SHROOM3: variants seen among roughly 807,000 people sequenced by gnomAD.
The protein encoded by SHROOM3 is shroom family member 3, also known as protein Shroom3.
A neutral mutation model predicts 138.6 loss-of-function variants in SHROOM3; 47 were observed. The ratio of observed to expected loss-of-function variants is 0.34; its 90% confidence interval spans 0.27 to 0.43. The LOEUF is 0.43. Among genes scored for constraint, SHROOM3 ranks in the 20% least tolerant of loss-of-function variants. The pLI is 1.00. For synonymous variants in SHROOM3, 1,062 were observed against 1,063.3 expected (o/e 1.00, Z 0.02); for missense variants, 2,491 against 2,596.5 (o/e 0.96, Z 0.88).
chr4:76,505,449 G>A (rs1328393753), intron 1 of SHROOM3, among the ~76,000 whole-genome samples: 4 of 151,992 alleles, frequency 2.6e-5, no homozygotes, highest in African/African-American at 7.3e-5. Flanking sequence ...CCCTTCTCCA[G>A]GCATGGCTGT....
intron 8 of SHROOM3, among the ~76,000 whole-genome samples, chr4:76,757,644 A>G (rs1402781743): frequency 6.6e-6 from 1 of 152,204 alleles, no homozygotes; most frequent in African/African-American, 2.4e-5. Context: ...AAATCAGGAA[A>G]GGTCTGAGTA....
chr4:76,520,917 T>C (rs1732551139), intron 1 of SHROOM3, among the ~76,000 whole-genome samples: 1 of 152,214 alleles, frequency 6.6e-6, no homozygotes, highest in Non-Finnish European at 1.5e-5. Flanking sequence ...TTTGGGCAGC[T>C]AAAGCTAGGG....
chr4:76,684,684 C>G (rs1207203288), intron 2 of SHROOM3, among the ~76,000 whole-genome samples: 3 of 152,214 alleles, frequency 2.0e-5, no homozygotes, highest in Admixed American at 6.5e-5. Context: ...TGTGAAACAG[C>G]TGCCACACAA....
chr4:76,712,438 G>T lies in SHROOM3; in HGVS notation c.455+2151G>T, dbSNP rs1720255196. Among the ~76,000 whole-genome samples the T allele has an allele frequency of 2.6e-5, 4 of 152,294 alleles. No individual in the cohort carries two copies. In the South Asian group the frequency reaches 8.3e-4, roughly 32 times the overall value. ...TAGAATCACATAGACCTGGGTTTGA[G>T]CTAGAAACAATTAAAATATTTTATA... On this transcript the variant is annotated intron_variant, in intron 3 of 10. Coordinates refer to ENST00000296043, the MANE Select transcript of SHROOM3 (RefSeq NM_020859.4).
intron 1 of SHROOM3, among the ~76,000 whole-genome samples, chr4:76,486,910 T>G (rs907336119): frequency 8.3e-6 from 1 of 120,014 alleles, no homozygotes; most frequent in African/African-American, 2.7e-5. Flanking sequence ...GAAAGGCAAC[T>G]TTAAAAAAAA....
At chr4:76,688,706 A>G in intron 2 of SHROOM3, 1 of 985,464 alleles carries the variant, frequency 1.0e-6, no homozygotes, top group Non-Finnish European at 1.2e-6. Context: ...TCATAAATGC[A>G]AAACAAATGC....
chr4:76,520,342 T>TTGA lies in SHROOM3; in HGVS notation c.169-35253_169-35251dup, dbSNP rs374472749. 4.3e-3 allele frequency among the ~76,000 whole-genome samples: 659 copies of TTGA among 152,260 alleles called. 4 individuals are homozygous for TTGA. Among genetic ancestry groups the TTGA allele is most frequent in the Non-Finnish European group, 7.2e-3 (491 of 68,016 alleles). On this transcript the variant is annotated intron_variant, in intron 1 of 10. Transcript: ENST00000296043. ...TCCCTTGCTTTATTTTCACCAACTG[T>TTGA]TGATGATGATGATGATAACAACACT... is the stretch of plus-strand genomic sequence containing the variant.
intron 1 of SHROOM3, among the ~76,000 whole-genome samples, chr4:76,526,424 G>A (rs574999961): frequency 1.3e-5 from 2 of 152,120 alleles, no homozygotes; most frequent in African/African-American, 4.8e-5. Context: ...TCCCCTGTGC[G>A]CCAGCCAGTT....
chr4:76,549,910 C>T (rs78120439), intron 1 of SHROOM3, among the ~76,000 whole-genome samples: 10,557 of 152,166 alleles, frequency 0.069, 463 homozygotes, highest in Middle Eastern at 0.1. Flanking sequence ...TTCAAGTCCT[C>T]CCTTGGACCT....
At chr4:76,553,741 C>T (rs1733418478) in intron 1 of SHROOM3, among the ~76,000 whole-genome samples, 1 of 152,218 alleles carries the variant, frequency 6.6e-6, no homozygotes, top group Non-Finnish European at 1.5e-5. Context: ...TCCAAATCCA[C>T]CTGCCTCAGC....
At chr4:76,657,205 A>C (rs7442445) in intron 2 of SHROOM3, among the ~76,000 whole-genome samples, 52,346 of 126,944 alleles carry the variant, frequency 0.41, 10,009 homozygotes, top group East Asian at 0.73. Flanking sequence ...CTCTCTCTCT[A>C]TATATATATA....
intron 6 of SHROOM3, among the ~76,000 whole-genome samples, chr4:76,753,198 G>T (rs1721688735): frequency 6.6e-6 from 1 of 152,238 alleles, no homozygotes; most frequent in African/African-American, 2.4e-5. Context: ...CATGGGAAGG[G>T]AGGGGTTGCA....
intron 2 of SHROOM3, among the ~76,000 whole-genome samples, chr4:76,571,508 T>C (rs150133754): frequency 6.6e-6 from 1 of 152,310 alleles, no homozygotes; most frequent in Non-Finnish European, 1.5e-5. Context: ...TCTCACTCAT[T>C]TGACATTAGC....
At chr4:76,587,601 T>G (rs1734181246) in intron 2 of SHROOM3, among the ~76,000 whole-genome samples, 1 of 152,210 alleles carries the variant, frequency 6.6e-6, no homozygotes, top group African/African-American at 2.4e-5. Flanking sequence ...AGTTTTCCAT[T>G]TTTTTCAGCA....
In SHROOM3 at chr4:76,756,698, G is replaced by T. The variant is rs1177839791; in HGVS notation, c.4959G>T (p.Lys1653Asn). 1.9e-6 allele frequency: 3 copies of T among 1,614,010 alleles called. No individual in the cohort carries two copies. The African/African-American group carries it at 4.0e-5, about 22-fold the overall frequency. Residue 1653 changes from lysine to asparagine, a missense_variant, in exon 8 of 11, where the codon AAG becomes AAT. By Grantham distance (94) the Lys-to-Asn change is moderately conservative (BLOSUM62 0). Transcript: ENST00000296043. ...DPVSGTQGLE[K>N]KVSPDPQKSS... Reference sequence around the variant, plus strand: ...TCAGTGGAACTCAGGGTTTAGAAAAGAAAGTCAGTCCTGATCCTCAGAAGA... The same window carrying T: ...TCAGTGGAACTCAGGGTTTAGAAAATAAAGTCAGTCCTGATCCTCAGAAGA...
At chr4:76,617,086 T>C (rs1280962546) in intron 2 of SHROOM3, among the ~76,000 whole-genome samples, 1 of 152,210 alleles carries the variant, frequency 6.6e-6, no homozygotes, top group Non-Finnish European at 1.5e-5. Context: ...AGGCTAATGG[T>C]GCGGGTGAAG....
intron 7 of SHROOM3, 49 bp downstream of exon 7, chr4:76,755,241 T>C: frequency 6.3e-7 from 1 of 1,593,852 alleles, no homozygotes; most frequent in Non-Finnish European, 8.5e-7. Context: ...GAGAGTGTCA[T>C]GCCCCAGGTG....
At position 76,598,232 on chromosome 4, in the gene SHROOM3, T is replaced by A. The variant is rs534698307; in HGVS notation, c.323+42469T>A. ...TAGTAGAGACGGGGTTTCACCGTGT[T>A]AGCCAGGATGGTCTCGATCTCCTGA... On this transcript the variant is annotated intron_variant, in intron 2 of 10. Coordinates refer to ENST00000296043, the MANE Select transcript of SHROOM3 (RefSeq NM_020859.4). Among the ~76,000 whole-genome samples, 14 of 152,192 alleles carry A rather than the reference T, an allele frequency of 9.2e-5. No homozygotes were observed. The South Asian group carries it at 2.9e-3, about 32-fold the overall frequency.
chr4:76,493,757 G>A (rs1211048049), intron 1 of SHROOM3, among the ~76,000 whole-genome samples: 1 of 152,152 alleles, frequency 6.6e-6, no homozygotes, highest in African/African-American at 2.4e-5. Context: ...AAGGTGGGCG[G>A]ATCACAAGGT....
Sources: allele counts gnomAD v4.1 joint callset (sites outside exome capture counted in the v4.1 genomes callset), GRCh38; gene constraint gnomAD v4.1.1; transcripts MANE v1.5; gene names NCBI Gene and HGNC (gene_info 2026-07-23, HGNC 2026-07-21).